MIPEP: variants seen among roughly 807,000 people sequenced by gnomAD.
MIPEP encodes the protein mitochondrial intermediate peptidase.
MIPEP carries 79 observed loss-of-function variants against 90.3 expected under a neutral mutation model. That is an observed-to-expected ratio of 0.87 (90% CI 0.73 to 1.05). The LOEUF is 1.05. Ranked by LOEUF, MIPEP falls within the 50% of genes least tolerant of loss-of-function variation. The probability of loss-of-function intolerance (pLI) is 0.00; values close to 1 mark genes in which losing one functional copy is unlikely to be tolerated. For missense variants in MIPEP, 940 were observed against 905.6 expected (o/e 1.04, Z -0.49); for synonymous variants, 334 against 315.8 (o/e 1.06, Z -0.61).
rs560202552 is a variant in MIPEP, at chr13:23,742,849, G to A, written c.2045-12404C>T. On this transcript the variant is annotated intron_variant, in intron 18 of 18. Transcript: ENST00000382172. The stretch of plus-strand genomic sequence containing the variant: ...ATAAAGGGTCTTCACTGGGGTGATG[G>A]GGAAGTTCTGAAAATGGATACTGGT... Among the ~76,000 whole-genome samples the A allele has an allele frequency of 3.3e-5, 5 of 152,294 alleles. No individual in the cohort carries two copies. In the South Asian group the frequency reaches 8.3e-4, roughly 25 times the overall value.
chr13:23,762,737 G>A (rs1362452842), intron 16 of MIPEP, among the ~76,000 whole-genome samples: 1 of 152,124 alleles, frequency 6.6e-6, no homozygotes, highest in Non-Finnish European at 1.5e-5. Flanking sequence ...CTATTGTTTT[G>A]GGTCTCTTGC....
At chr13:23,748,082 G>A (rs1009124917) in intron 18 of MIPEP, among the ~76,000 whole-genome samples, 10 of 151,606 alleles carry the variant, frequency 6.6e-5, no homozygotes, top group Admixed American at 3.9e-4. Context: ...TGTTACCCAG[G>A]CTGGAGTGAG....
At chr13:23,787,133 G>C (rs949024929) in intron 16 of MIPEP, among the ~76,000 whole-genome samples, 1 of 152,180 alleles carries the variant, frequency 6.6e-6, no homozygotes, top group African/African-American at 2.4e-5. Flanking sequence ...AGTGGTAAAG[G>C]TCTTAGGAAA....
At chr13:23,818,312 C>T (rs1734715039) in intron 14 of MIPEP, among the ~76,000 whole-genome samples, 1 of 151,868 alleles carries the variant, frequency 6.6e-6, no homozygotes, top group Non-Finnish European at 1.5e-5. Context: ...CCCAGCTACT[C>T]AGGAGGCTGA....
At chr13:23,877,028 G>C (rs906068687) in intron 4 of MIPEP, among the ~76,000 whole-genome samples, 1 of 151,942 alleles carries the variant, frequency 6.6e-6, no homozygotes, top group Admixed American at 6.6e-5. Context: ...TTCTTCCATT[G>C]ATCTAATTGA....
chr13:23,881,191 C>A (rs1871257014), intron 3 of MIPEP, among the ~76,000 whole-genome samples: 1 of 152,228 alleles, frequency 6.6e-6, no homozygotes, highest in South Asian at 2.1e-4. Context: ...AATTCCAACT[C>A]AACAGGGACC....
chr13:23,758,327 G>A (rs1952507478), intron 17 of MIPEP, among the ~76,000 whole-genome samples: 1 of 152,158 alleles, frequency 6.6e-6, no homozygotes. Context: ...TCAGGAGTGA[G>A]ATCAAAAAGG....
At chr13:23,833,165 C>A (rs996514141) in intron 14 of MIPEP, among the ~76,000 whole-genome samples, 1 of 152,108 alleles carries the variant, frequency 6.6e-6, no homozygotes, top group South Asian at 2.1e-4. Flanking sequence ...AGATTAAATG[C>A]CATTTATTTA....
In MIPEP at chr13:23,784,371, A is replaced by G. The variant is rs552934010; in HGVS notation, c.1848+21579T>C. Among the ~76,000 whole-genome samples the G allele has an allele frequency of 1.2e-4, 19 of 152,338 alleles. No homozygotes were observed. The South Asian group carries it at 3.7e-3, about 30-fold the overall frequency. ...CATCTGATCTTTGACAAACCTGACA[A>G]AAACAAGAAATGGGGAAAGGATTCC... On this transcript the variant is annotated intron_variant, in intron 16 of 18. Transcript: ENST00000382172.
At chr13:23,741,208 T>C (rs1179193908) in intron 18 of MIPEP, among the ~76,000 whole-genome samples, 2 of 152,322 alleles carry the variant, frequency 1.3e-5, no homozygotes, top group East Asian at 1.9e-4. Flanking sequence ...GGAATGCTTA[T>C]ACACTGTTGG....
chr13:23,794,908 T>C (rs1287328906), intron 16 of MIPEP, among the ~76,000 whole-genome samples: 1 of 152,178 alleles, frequency 6.6e-6, no homozygotes, highest in Non-Finnish European at 1.5e-5. Context: ...AAGTCATAAA[T>C]AAACCTAGCA....
intron 16 of MIPEP, among the ~76,000 whole-genome samples, chr13:23,774,064 T>C (rs1952684477): frequency 6.6e-6 from 1 of 152,250 alleles, no homozygotes; most frequent in Non-Finnish European, 1.5e-5. Context: ...TTTTAACTCT[T>C]AAATTTAGGT....
At chr13:23,847,480 A>AAAC (rs1555239484) in intron 10 of MIPEP, among the ~76,000 whole-genome samples, 4 of 149,476 alleles carry the variant, frequency 2.7e-5, no homozygotes, top group Admixed American at 2.0e-4. Context: ...AAAAAAAAAA[A>AAAC]CCCAAACAGA....
Position 23,858,900 on chromosome 13 carries a change from A to G in MIPEP, c.1066T>C (p.Trp356Arg), listed in dbSNP as rs1475218205. ...ACACCACTGTAGTAAGGGGGGTCCC[A>G]GGGCATTACTTCCTACAATGGAATA... The part of the protein sequence containing the change: ...LNPQNSEVMP[W>R]DPPYYSGVIR... Residue 356 changes from tryptophan to arginine, a missense_variant, in exon 10 of 19, where the codon TGG becomes CGG. By Grantham distance (101) the Trp-to-Arg change is moderately radical. Coordinates refer to ENST00000382172, the MANE Select transcript of MIPEP (RefSeq NM_005932.4). The G allele has an allele frequency of 1.2e-6, 2 of 1,613,524 alleles. No individual in the cohort carries two copies. The highest frequency in any genetic ancestry group is 1.7e-5 in the Admixed American group (1 of 59,978).
At chr13:23,831,234 C>T (rs1243073557) in intron 14 of MIPEP, among the ~76,000 whole-genome samples, 1 of 151,978 alleles carries the variant, frequency 6.6e-6, no homozygotes, top group Non-Finnish European at 1.5e-5. Flanking sequence ...TACCTAAAAC[C>T]TGATGTGAAG....
At chr13:23,833,148 C>G (rs1169767617) in intron 14 of MIPEP, among the ~76,000 whole-genome samples, 1 of 152,064 alleles carries the variant, frequency 6.6e-6, no homozygotes, top group Non-Finnish European at 1.5e-5. Context: ...GTTATTTTTT[C>G]CTTGTGAGAT....
chr13:23,875,298 T>C (rs1028780898), intron 4 of MIPEP, among the ~76,000 whole-genome samples: 1 of 152,122 alleles, frequency 6.6e-6, no homozygotes, highest in Admixed American at 6.5e-5. Flanking sequence ...TAATTATTTA[T>C]TTCAACTCAA....
intron 15 of MIPEP, among the ~76,000 whole-genome samples, chr13:23,806,719 T>C (rs951315400): frequency 9.5e-5 from 10 of 104,832 alleles, no homozygotes; most frequent in Non-Finnish European, 2.0e-4. Flanking sequence ...AAAATCTATA[T>C]CTATCTATCT....
intron 14 of MIPEP, among the ~76,000 whole-genome samples, chr13:23,812,958 A>C: frequency 6.6e-6 from 1 of 152,202 alleles, no homozygotes; most frequent in Admixed American, 6.5e-5. Flanking sequence ...CACAAATAAA[A>C]AATACACATA....
Sources: gnomAD v4.1 joint callset for allele counts (sites outside exome capture counted in the v4.1 genomes callset) on GRCh38, gnomAD v4.1.1 for gene constraint, MANE v1.5 for transcripts, NCBI Gene and HGNC (gene_info 2026-07-23, HGNC 2026-07-21) for gene names.